The following CNTNAP2 variants were observed in gnomAD, a reference collection of about 807,000 sequenced individuals.
CNTNAP2 encodes the protein contactin associated protein 2.
A neutral mutation model predicts 155.2 loss-of-function variants in CNTNAP2; 98 were observed. The observed-to-expected ratio is 0.63, with a 90% CI of 0.54 to 0.75. The LOEUF (loss-of-function observed/expected upper bound fraction) is 0.75, where lower values mean the gene tolerates loss of function less well. Among genes scored for constraint, CNTNAP2 ranks in the 30% least tolerant of loss-of-function variants. CNTNAP2 has a pLI of 0.00. For synonymous variants in CNTNAP2, 651 were observed against 631.2 expected, an observed-to-expected ratio of 1.03 and a Z score of -0.47; for missense variants, 1,727 against 1,688.1, an observed-to-expected ratio of 1.02 and a Z score of -0.40.
At position 147,559,997 on chromosome 7, in the gene CNTNAP2, C is replaced by T. The variant is rs537337396; in HGVS notation, c.1778-2141C>T. Among the ~76,000 whole-genome samples, 19 of 151,706 alleles carry T rather than the reference C, an allele frequency of 1.3e-4. No homozygotes were observed. The East Asian group carries it at 1.9e-3, about 15-fold the overall frequency. Reference sequence around the variant, plus strand: ...CAGCCTGACCAACATGGAGAAACCCCGTCTCCACTAAAAATACTAAATTAG... The same window carrying T: ...CAGCCTGACCAACATGGAGAAACCCTGTCTCCACTAAAAATACTAAATTAG... On this transcript the variant is annotated intron_variant, in intron 11 of 23. Transcript: ENST00000361727.
intron 8 of CNTNAP2, among the ~76,000 whole-genome samples, chr7:147,137,218 A>G (rs1320035623): frequency 6.6e-6 from 1 of 151,362 alleles, no homozygotes; most frequent in East Asian, 2.0e-4. Context: ...TTATGTCATT[A>G]TAAATCACAT....
chr7:147,763,878 A>G (rs1439590857), intron 13 of CNTNAP2, among the ~76,000 whole-genome samples: 1 of 152,212 alleles, frequency 6.6e-6, no homozygotes, highest in Non-Finnish European at 1.5e-5. Flanking sequence ...GTTAGCAAGT[A>G]TCTGGCATCC....
intron 1 of CNTNAP2, among the ~76,000 whole-genome samples, chr7:146,402,946 TTAAAG>T (rs1795736067): frequency 6.6e-6 from 1 of 152,130 alleles, no homozygotes; most frequent in African/African-American, 2.4e-5. Context: ...ATTTGAAGTA[TTAAAG>T]TAATTATTTA....
At chr7:146,623,530 T>C (rs1799369142) in intron 1 of CNTNAP2, among the ~76,000 whole-genome samples, 3 of 152,222 alleles carry the variant, frequency 2.0e-5, no homozygotes. Context: ...ATACTTAACT[T>C]TCACAGATAG....
chr7:147,377,174 C>T (rs1221527730), intron 9 of CNTNAP2, among the ~76,000 whole-genome samples: 1 of 147,450 alleles, frequency 6.8e-6, no homozygotes, highest in Non-Finnish European at 1.5e-5. Context: ...TTTAAAATAT[C>T]GATTTCCCCT....
intron 8 of CNTNAP2, among the ~76,000 whole-genome samples, chr7:147,200,492 C>T (rs759381648): frequency 1.2e-4 from 19 of 152,182 alleles, no homozygotes; most frequent in Non-Finnish European, 2.2e-4. Flanking sequence ...TAGGAAACCA[C>T]AATCCTTTAA....
chr7:147,178,817 A>G (rs2116494858), intron 8 of CNTNAP2, among the ~76,000 whole-genome samples: 1 of 152,332 alleles, frequency 6.6e-6, no homozygotes, highest in East Asian at 1.9e-4. Context: ...TTTAGTTTGA[A>G]AAAACAAAAA....
chr7:148,331,729 T>A (rs74752445), intron 21 of CNTNAP2, among the ~76,000 whole-genome samples: 2 of 22,004 alleles, frequency 9.1e-5, no homozygotes, highest in Non-Finnish European at 2.4e-4. Context: ...ATGGATTGGA[T>A]GGATGGAGTG....
intron 3 of CNTNAP2, among the ~76,000 whole-genome samples, chr7:146,845,778 G>C (rs1166049969): frequency 2.6e-5 from 4 of 152,180 alleles, no homozygotes; most frequent in African/African-American, 9.7e-5. Context: ...TGTTTAGATA[G>C]TGCAGTGCAG....
chr7:146,635,180 G>A (rs1012229244), intron 1 of CNTNAP2, among the ~76,000 whole-genome samples: 4 of 152,100 alleles, frequency 2.6e-5, no homozygotes, highest in Non-Finnish European at 5.9e-5. Context: ...AGAAAGGAAT[G>A]AAAAATACCT....
At chr7:147,564,007 A>C (rs12537791) in intron 12 of CNTNAP2, among the ~76,000 whole-genome samples, 67,563 of 151,782 alleles carry the variant, frequency 0.45, 15,249 homozygotes, top group East Asian at 0.61. Context: ...GAAGCTGACC[A>C]GCCTGGGCAA....
chr7:146,385,677 A>G (rs1795450255), intron 1 of CNTNAP2, among the ~76,000 whole-genome samples: 1 of 152,228 alleles, frequency 6.6e-6, no homozygotes, highest in Admixed American at 6.5e-5. Flanking sequence ...CTGGAGAACC[A>G]AATGGCTGGA....
intron 1 of CNTNAP2, among the ~76,000 whole-genome samples, chr7:146,611,136 C>T (rs774924538): frequency 6.6e-6 from 1 of 152,200 alleles, no homozygotes; most frequent in African/African-American, 2.4e-5. Context: ...GATAAGGCCT[C>T]GCTCTGTCGC....
At chr7:146,120,571 T>G (rs2116717131) in intron 1 of CNTNAP2, among the ~76,000 whole-genome samples, 1 of 152,334 alleles carries the variant, frequency 6.6e-6, no homozygotes, top group Middle Eastern at 3.4e-3. Flanking sequence ...GTTTGGTGCA[T>G]ATCATATTTT....
At chr7:147,766,697 C>A (rs964822946) in intron 13 of CNTNAP2, among the ~76,000 whole-genome samples, 1 of 152,028 alleles carries the variant, frequency 6.6e-6, no homozygotes, top group Admixed American at 6.6e-5. Context: ...CGTATTAGGT[C>A]TCTGTTCATT....
chr7:147,904,917 ACACACACACACACT>A (rs1017549478), intron 14 of CNTNAP2, among the ~76,000 whole-genome samples: 2 of 152,066 alleles, frequency 1.3e-5, no homozygotes, highest in Non-Finnish European at 2.9e-5. Flanking sequence ...ACACACACAC[ACACACACACACACT>A]GTATACAAAG....
At chr7:146,681,960 C>G (rs994913512) in intron 1 of CNTNAP2, among the ~76,000 whole-genome samples, 7 of 151,602 alleles carry the variant, frequency 4.6e-5, no homozygotes, top group Non-Finnish European at 8.8e-5. Flanking sequence ...TTTATATCTC[C>G]TATTTCCAGA....
chr7:147,353,560 G>C (rs554608884), intron 9 of CNTNAP2, among the ~76,000 whole-genome samples: 121 of 152,150 alleles, frequency 8.0e-4, no homozygotes, highest in Non-Finnish European at 1.3e-3. Flanking sequence ...TGGGCATTTG[G>C]GTTGGTTCCA....
At chr7:147,585,509 TATAG>T (rs1454313512) in intron 12 of CNTNAP2, among the ~76,000 whole-genome samples, 14 of 150,028 alleles carry the variant, frequency 9.3e-5, no homozygotes, top group Admixed American at 1.3e-4. Context: ...TCTATTAATA[TATAG>T]ATAGATGATA....
Sources: allele counts gnomAD v4.1 joint callset (sites outside exome capture counted in the v4.1 genomes callset), GRCh38; gene constraint gnomAD v4.1.1; transcripts MANE v1.5; gene names NCBI Gene and HGNC (gene_info 2026-07-23, HGNC 2026-07-21).